Variants in ANKRD11 observed in about 807,000 individuals in gnomAD.
ANKRD11 encodes the protein ankyrin repeat domain 11.
A neutral mutation model predicts 195.7 loss-of-function variants in ANKRD11; 17 were observed. The observed-to-expected ratio is 0.09, with a 90% confidence interval of 0.06 to 0.13. The LOEUF (loss-of-function observed/expected upper bound fraction) is 0.13. ANKRD11 is among the 10% of genes least tolerant of loss of function. The pLI is 1.00. For missense variants in ANKRD11, 3,735 were observed against 3,566.1 expected (o/e 1.05, Z -1.21); for synonymous variants, 1,953 against 1,528.1 (o/e 1.28, Z -6.49).
rs1298061381 is a variant in ANKRD11 at position 89,305,143 on chromosome 16, C to G, written c.226+63G>C. 11 of 1,589,774 alleles carry G rather than the reference C, an allele frequency of 6.9e-6. No individual in the cohort carries two copies. In the Admixed American group the frequency reaches 8.5e-5, roughly 12 times the overall value. ...CGGAGGTGCGGGGGCCAGGGACGCC[C>G]TGCCTGGGCTGCTCCGGGCTGCCTG... On this transcript the variant is annotated intron_variant, in intron 4 of 12. Coordinates refer to ENST00000301030, the MANE Select transcript of ANKRD11 (RefSeq NM_013275.6).
intron 1 of ANKRD11, among the ~76,000 whole-genome samples, chr16:89,462,215 G>T (rs190051207): frequency 1.3e-5 from 2 of 152,178 alleles, no homozygotes; most frequent in African/African-American, 4.8e-5. Flanking sequence ...GAGTGCCTGC[G>T]ATTGCAGGCT....
Position 89,281,250 on chromosome 16 carries a change from G to A in ANKRD11, c.5292C>T (p.Phe1764=). The A allele has an allele frequency of 6.2e-7, 1 of 1,614,232 alleles. No individual in the cohort carries two copies. Among genetic ancestry groups the A allele is most frequent in the Non-Finnish European group, 8.5e-7 (1 of 1,180,036 alleles). ...SACSPSFFDR[F]SVASSGLSEN... ...CCGAAAGCCCACTTGAAGCCACGGA[G>A]AACCTGTCGAAAAAGGAGGGGGAGC... is the stretch of plus-strand genomic sequence containing the variant. The change falls in exon 9 of 13, where the codon TTC becomes TTT. Residue 1764 remains phenylalanine, a synonymous_variant. Transcript: ENST00000301030. The surrounding 1 kb of genome is among the most constrained non-coding windows in gnomAD (Gnocchi z 5.5).
At chr16:89,349,911 CATAT>C (rs1280279450) in intron 2 of ANKRD11, among the ~76,000 whole-genome samples, 7 of 86,000 alleles carry the variant, frequency 8.1e-5, no homozygotes, top group Middle Eastern at 7.5e-3. Flanking sequence ...CACACACACA[CATAT>C]TCAAACAACA....
intron 4 of ANKRD11, 163 bp downstream of exon 4, chr16:89,305,043 G>A: frequency 9.1e-7 from 1 of 1,093,888 alleles, no homozygotes; most frequent in Non-Finnish European, 1.3e-6. Context: ...GTGGCATGTG[G>A]GGGCCTGTGC....
chr16:89,334,976 G>A (rs1290101826), intron 2 of ANKRD11, among the ~76,000 whole-genome samples: 2 of 152,124 alleles, frequency 1.3e-5, no homozygotes, highest in African/African-American at 4.8e-5. Flanking sequence ...GGAGGTCCAG[G>A]AGGAGATCCC....
chr16:89,323,231 A>G (rs2037447132), intron 2 of ANKRD11: 1 of 1,166,076 alleles, frequency 8.6e-7, no homozygotes, highest in South Asian at 1.3e-5. Flanking sequence ...AGGAAAAAAG[A>G]AAAAAGGAGA....
chr16:89,293,940 G>A (rs1028328911), intron 4 of ANKRD11, among the ~76,000 whole-genome samples: 1 of 152,146 alleles, frequency 6.6e-6, no homozygotes, highest in Non-Finnish European at 1.5e-5. Flanking sequence ...CTGCGTCCCC[G>A]CTCTGAGGGG....
At chr16:89,305,074 C>T (rs947034780) in intron 4 of ANKRD11, 132 bp downstream of exon 4, 47 of 1,396,656 alleles carry the variant, frequency 3.4e-5, no homozygotes, top group African/African-American at 4.3e-5. Flanking sequence ...CTGCCTCTTG[C>T]CTGGACGGCG....
intron 2 of ANKRD11, among the ~76,000 whole-genome samples, chr16:89,366,129 CAAA>C (rs71387689): frequency 1.7e-4 from 10 of 60,442 alleles, no homozygotes; most frequent in Admixed American, 3.2e-4. Context: ...GACTCCATCT[CAAA>C]AAAAAAAAAA....
Position 89,283,737 on chromosome 16 carries a change from C to G in ANKRD11, c.2805G>C (p.Ser935=). 6.2e-7 allele frequency: 1 copy of G among 1,613,448 alleles called. No individual in the cohort carries two copies. The change falls in exon 9 of 13, where the codon TCG becomes TCC. Residue 935 remains serine, a synonymous_variant. Transcript: ENST00000301030. This position sits in a 1 kb window ranked among gnomAD's most constrained non-coding sequence, Gnocchi z 4.3. The part of the protein sequence containing the change: ...EKHKSVPGYL[S]EKDKKRRESA... ...ACTCTCTCCTCTTCTTGTCCTTTTC[C>G]GAAAGGTAGCCAGGGACACTTTTAT... is the stretch of plus-strand genomic sequence containing the variant.
intron 2 of ANKRD11, among the ~76,000 whole-genome samples, chr16:89,379,779 C>T (rs1393082655): frequency 6.6e-6 from 1 of 152,082 alleles, no homozygotes; most frequent in East Asian, 1.9e-4. Context: ...GTACAACGGG[C>T]AAAGAAGATG....
intron 1 of ANKRD11, among the ~76,000 whole-genome samples, chr16:89,451,985 GC>G (rs1425900364): frequency 5.3e-5 from 8 of 152,120 alleles, no homozygotes; most frequent in South Asian, 2.1e-4. Flanking sequence ...TGCGCCGGGT[GC>G]AGTGTCTCAC....
At chr16:89,471,653 C>T (rs1330173015) in intron 1 of ANKRD11, among the ~76,000 whole-genome samples, 3 of 151,692 alleles carry the variant, frequency 2.0e-5, no homozygotes, top group Admixed American at 6.6e-5. Context: ...GGCGTGGTGG[C>T]GGACACCTGT....
At chr16:89,334,144 TAAAAAAA>T (rs869142504) in intron 2 of ANKRD11, among the ~76,000 whole-genome samples, 8 of 41,416 alleles carry the variant, frequency 1.9e-4, no homozygotes, top group African/African-American at 5.7e-4. Flanking sequence ...CCCTGTGTTT[TAAAAAAA>T]AAAAAAAAAA....
intron 2 of ANKRD11, among the ~76,000 whole-genome samples, chr16:89,319,413 G>A (rs764114669): frequency 3.3e-5 from 5 of 152,200 alleles, no homozygotes; most frequent in South Asian, 2.1e-4. Flanking sequence ...TACTTTTCAC[G>A]GCCTGCATCA....
intron 4 of ANKRD11, 194 bp downstream of exon 4, chr16:89,305,012 T>C (rs969406942): frequency 7.3e-6 from 6 of 818,974 alleles, no homozygotes; most frequent in African/African-American, 1.7e-5. Flanking sequence ...CCCATGGGCC[T>C]GAGCCTCGGG....
chr16:89,440,958 CCAGA>C (rs1161619545), intron 1 of ANKRD11, among the ~76,000 whole-genome samples: 3 of 152,192 alleles, frequency 2.0e-5, no homozygotes, highest in Non-Finnish European at 4.4e-5. Context: ...TTCCTTGCGG[CCAGA>C]CACAGTGGCT....
At chr16:89,405,964 A>T (rs1443374061) in intron 2 of ANKRD11, among the ~76,000 whole-genome samples, 1 of 151,870 alleles carries the variant, frequency 6.6e-6, no homozygotes, top group Non-Finnish European at 1.5e-5. Context: ...ACAAAAACTT[A>T]CCGGGCGTGG....
At chr16:89,302,654 T>G (rs981459613) in intron 4 of ANKRD11, among the ~76,000 whole-genome samples, 8 of 152,168 alleles carry the variant, frequency 5.3e-5, no homozygotes, top group African/African-American at 1.7e-4. Flanking sequence ...AAATCTAGTT[T>G]TGCAACATTA....
Sources: gnomAD v4.1 joint callset for allele counts (sites outside exome capture counted in the v4.1 genomes callset) on GRCh38, gnomAD v4.1.1 for gene constraint, Gnocchi (gnomAD v3.1) non-coding constraint, MANE v1.5 for transcripts, NCBI Gene and HGNC (gene_info 2026-07-23, HGNC 2026-07-21) for gene names.